The following PCDHGC4 variants were observed in gnomAD, a reference collection of about 807,000 sequenced individuals.
PCDHGC4 encodes the protein protocadherin gamma subfamily C, 4, also known as protocadherin gamma-C4.
In PCDHGC4, 15 loss-of-function variants were observed where a neutral mutation model predicts 59.7. The observed-to-expected ratio is 0.25, with a 90% confidence interval of 0.17 to 0.39. PCDHGC4 has a LOEUF of 0.39. Ranked by LOEUF, PCDHGC4 falls within the 10% of genes least tolerant of loss-of-function variation. PCDHGC4 has a pLI of 1.00. For synonymous variants in PCDHGC4, 434 were observed against 481.4 expected, an observed-to-expected ratio of 0.90 and a Z score of 1.29; for missense variants, 1,016 against 1,189.5, an observed-to-expected ratio of 0.85 and a Z score of 2.15.
chr5:141,507,616 G>A (rs1288020739), intron 3 of PCDHGC4, among the ~76,000 whole-genome samples: 3 of 152,252 alleles, frequency 2.0e-5, no homozygotes, highest in Non-Finnish European at 4.4e-5. Context: ...GGTATATTTA[G>A]CTGTTGTGGC....
chr5:141,487,040 C>T lies in PCDHGC4; in HGVS notation c.1867C>T (p.Arg623Ter), dbSNP rs374574042. The T allele has an allele frequency of 3.7e-6, 6 of 1,614,136 alleles. No homozygotes were observed. Among genetic ancestry groups the T allele is most frequent in the South Asian group, 1.1e-5 (1 of 91,082 alleles). The change falls in exon 1 of 4, where the codon CGA (arginine) becomes TGA (stop). Residue 623 changes from arginine (R) to a stop codon, truncating the protein, a stop_gained. Transcript: ENST00000306593. LOFTEE classifies it high-confidence loss of function. This position sits in a 1 kb window ranked among gnomAD's most constrained non-coding sequence, Gnocchi z 5.0. ...APDPSLFAVS[R>*]YAGEVRTAVP... is the part of the protein sequence containing the mutation. Reference sequence around the variant, plus strand: ...AGATCCCAGCCTGTTTGCAGTCTCTCGATATGCTGGGGAGGTGCGGACGGC... The same window carrying T: ...AGATCCCAGCCTGTTTGCAGTCTCTTGATATGCTGGGGAGGTGCGGACGGC...
chr5:141,489,375 G>T lies in PCDHGC4; in HGVS notation c.2442+1760G>T. 6.2e-7 allele frequency: 1 copy of T among 1,613,826 alleles called. No homozygotes were observed. Among genetic ancestry groups the T allele is most frequent in the Non-Finnish European group, 8.5e-7 (1 of 1,179,724 alleles). On this transcript the variant is annotated intron_variant, in intron 1 of 3. Transcript: ENST00000306593. This position sits in a 1 kb window ranked among gnomAD's most constrained non-coding sequence, Gnocchi z 4.5. ...AGGAGTCTGAGCCGGGGACGCTGGT[G>T]GGGAATGTTGCTCAGGATCTGGGCT...
Position 141,491,947 on chromosome 5 carries a change from C to T in PCDHGC4, c.2443-2860C>T. ...GGGGAGGTGGGACCGACCCCCACCCCTACACTCAAAAAAGGCCGGGGCCTC... is the reference window on the plus strand; with the variant it reads ...GGGGAGGTGGGACCGACCCCCACCCTTACACTCAAAAAAGGCCGGGGCCTC... On this transcript the variant is annotated intron_variant, in intron 1 of 3. Coordinates refer to ENST00000306593, the MANE Select transcript of PCDHGC4 (RefSeq NM_018928.3). The surrounding 1 kb of genome is among the most constrained non-coding windows in gnomAD (Gnocchi z 6.9). 1 of 1,114,210 alleles carries T rather than the reference C, an allele frequency of 9.0e-7. No individual in the cohort carries two copies. The highest frequency in any genetic ancestry group is 1.2e-6 in the Non-Finnish European group (1 of 815,758). 69.0% of individuals were successfully genotyped at this position (1,114,210 alleles called of 1,614,324 possible). A position where few individuals can be genotyped will look rare whatever the true frequency, so the allele number is the denominator to read the frequency against.
chr5:141,492,111 C>T (rs2154587044), intron 1 of PCDHGC4, among the ~76,000 whole-genome samples: 1 of 152,320 alleles, frequency 6.6e-6, no homozygotes, highest in South Asian at 2.1e-4. Context: ...ATTTCCTCTT[C>T]GATTTCTCCC....
intron 3 of PCDHGC4, among the ~76,000 whole-genome samples, chr5:141,509,164 C>A (rs1454864362): frequency 6.6e-6 from 1 of 152,188 alleles, no homozygotes; most frequent in Non-Finnish European, 1.5e-5. Context: ...TCCCGTGTGC[C>A]CTCCTCCTCT....
chr5:141,486,644 T>G lies in PCDHGC4; in HGVS notation c.1471T>G (p.Ser491Ala), dbSNP rs765487821. ...DPDSGLNALISYSLLEPRNRD... is the reference protein window; with the variant it reads ...DPDSGLNALIAYSLLEPRNRD... ...AGACTCTGGCTTGAATGCGCTTATC[T>G]CCTACTCACTCCTGGAGCCCAGGAA... Residue 491 changes from serine to alanine, a missense_variant, in exon 1 of 4, where the codon TCC (serine) becomes GCC (alanine). Physicochemically the swap from Ser to Ala is moderately conservative, Grantham distance 99. Transcript: ENST00000306593. This position sits in a 1 kb window ranked among gnomAD's most constrained non-coding sequence, Gnocchi z 5.0. 9.3e-6 allele frequency: 15 copies of G among 1,613,722 alleles called. 2 individuals carry two copies. The Middle Eastern group carries it at 6.6e-4, about 71-fold the overall frequency.
In PCDHGC4 at chr5:141,486,574, C is replaced by T. The variant is rs1435813800; in HGVS notation, c.1401C>T (p.Asn467=). The change falls in exon 1 of 4, where the codon AAC becomes AAT. Residue 467 remains asparagine (N), a synonymous_variant. Transcript: ENST00000306593. This position sits in a 1 kb window ranked among gnomAD's most constrained non-coding sequence, Gnocchi z 5.0. ...CACATGAGGTGTTTGTTCCTGAGAACAATCGCCCAGGGGACCTGCTTTGCT... is the reference window on the plus strand; with the variant it reads ...CACATGAGGTGTTTGTTCCTGAGAATAATCGCCCAGGGGACCTGCTTTGCT... ...QRSHEVFVPE[N]NRPGDLLCSL... The T allele has an allele frequency of 1.9e-6, 3 of 1,613,868 alleles. No homozygotes were observed. Among genetic ancestry groups the T allele is most frequent in the Non-Finnish European group, 2.5e-6 (3 of 1,180,002 alleles).
chr5:141,497,384 A>G (rs2099776099), intron 2 of PCDHGC4, among the ~76,000 whole-genome samples: 1 of 151,900 alleles, frequency 6.6e-6, no homozygotes, highest in African/African-American at 2.4e-5. Context: ...TGGGGTGAGC[A>G]CCTTACCCCT....
intron 2 of PCDHGC4, 58 bp downstream of exon 2, chr5:141,494,923 G>T: frequency 6.2e-7 from 1 of 1,613,698 alleles, no homozygotes; most frequent in Non-Finnish European, 8.5e-7. Context: ...CAGGGATGAC[G>T]TGGGAGGAGA....
intron 2 of PCDHGC4, among the ~76,000 whole-genome samples, chr5:141,501,847 C>T (rs976699397): frequency 1.3e-5 from 2 of 152,140 alleles, no homozygotes; most frequent in Admixed American, 6.5e-5. Context: ...GGCCCTCAAC[C>T]TTCAACCATT....
intron 2 of PCDHGC4, among the ~76,000 whole-genome samples, chr5:141,502,337 T>C (rs1562205634): frequency 6.6e-6 from 1 of 152,184 alleles, no homozygotes; most frequent in Admixed American, 6.5e-5. Flanking sequence ...CCCAGTCTTT[T>C]TATTTTTTTA....
chr5:141,511,353 A>C lies in PCDHGC4; in HGVS notation c.*180A>C. ...AGTCAGCACCTACCCCTTCCCCCCC[A>C]GGGGGTTGAATATGCAAAAGCAGTT... On this transcript the variant is annotated 3_prime_UTR_variant, in exon 4 of 4. Transcript: ENST00000306593. 7.3e-7 allele frequency: 1 copy of C among 1,371,054 alleles called. No individual in the cohort carries two copies. Among genetic ancestry groups the C allele is most frequent in the Non-Finnish European group, 9.7e-7 (1 of 1,027,740 alleles). The allele number at this position is 1,371,054 out of a possible 1,614,324, so 84.9% of individuals were successfully genotyped here. A position where few individuals can be genotyped will look rare whatever the true frequency, so the allele number is the denominator to read the frequency against.
rs539727453 is a variant in PCDHGC4 at position 141,487,510 on chromosome 5, C to G, written c.2337C>G (p.Pro779=). ...GCTGTACACCCTTGGCTTCTGCACC[C>G]ACTCGGAGTGATAGCTTCATGATGG... ...SHGCTPLASA[P]TRSDSFMMVK... The change falls in exon 1 of 4, where the codon CCC becomes CCG. Residue 779 remains proline, a synonymous_variant. Coordinates refer to ENST00000306593, the MANE Select transcript of PCDHGC4 (RefSeq NM_018928.3). This position sits in a 1 kb window ranked among gnomAD's most constrained non-coding sequence, Gnocchi z 5.0. The G allele has an allele frequency of 2.5e-6, 4 of 1,614,210 alleles. No homozygotes were observed. The highest frequency in any genetic ancestry group is 2.2e-5 in the East Asian group (1 of 44,860).
At position 141,490,208 on chromosome 5, in the gene PCDHGC4, G is replaced by A. The variant is rs745796427; in HGVS notation, c.2442+2593G>A. On this transcript the variant is annotated intron_variant, in intron 1 of 3. Coordinates refer to ENST00000306593, the MANE Select transcript of PCDHGC4 (RefSeq NM_018928.3). The surrounding 1 kb of genome is among the most constrained non-coding windows in gnomAD (Gnocchi z 5.4). ...TTCTATGAAATTCATGCAAGAGCCC[G>A]TGACCAGGGACAGCCTGCCATGGAG... 44 of 1,614,120 alleles carry A rather than the reference G, an allele frequency of 2.7e-5. No individual in the cohort carries two copies. The Admixed American group carries it at 4.5e-4, about 17-fold the overall frequency.
Position 141,486,979 on chromosome 5 carries a change from C to T in PCDHGC4, c.1806C>T (p.Tyr602=). The change falls in exon 1 of 4, where the codon TAC becomes TAT. Residue 602 remains tyrosine, a synonymous_variant. Transcript: ENST00000306593. This position sits in a 1 kb window ranked among gnomAD's most constrained non-coding sequence, Gnocchi z 5.0. ...CTGCTGTGGACTTGGATTCAGGTTACAATGCTTGGGTTTCCTATCAGCTCC... is the reference window on the plus strand; with the variant it reads ...CTGCTGTGGACTTGGATTCAGGTTATAATGCTTGGGTTTCCTATCAGCTCC... ...KVTAVDLDSG[Y]NAWVSYQLLE... 6.2e-7 allele frequency: 1 copy of T among 1,614,200 alleles called. No individual in the cohort carries two copies. Among genetic ancestry groups the T allele is most frequent in the Non-Finnish European group, 8.5e-7 (1 of 1,180,032 alleles).
intron 1 of PCDHGC4, among the ~76,000 whole-genome samples, chr5:141,492,108 C>T (rs1331001233): frequency 2.6e-5 from 4 of 152,232 alleles, no homozygotes; most frequent in African/African-American, 9.6e-5. Flanking sequence ...TAGATTTCCT[C>T]TTCGATTTCT....
Position 141,485,738 on chromosome 5 carries a change from A to G in PCDHGC4, c.565A>G (p.Ser189Gly), listed in dbSNP as rs1443978038. Reference protein sequence around the residue: ...ALDVKKRSDGSLVPELLLEKP... With the variant: ...ALDVKKRSDGGLVPELLLEKP... Reference sequence around the variant, plus strand: ...GGATGTGAAGAAGCGCAGCGACGGCAGCCTGGTCCCAGAGCTGCTCCTGGA... The same window carrying G: ...GGATGTGAAGAAGCGCAGCGACGGCGGCCTGGTCCCAGAGCTGCTCCTGGA... The change falls in exon 1 of 4, where the codon AGC becomes GGC. Residue 189 changes from serine (S) to glycine (G), a missense_variant. Transcript: ENST00000306593. This position sits in a 1 kb window ranked among gnomAD's most constrained non-coding sequence, Gnocchi z 5.7. 1 of 1,614,230 alleles carries G rather than the reference A, an allele frequency of 6.2e-7. No individual in the cohort carries two copies.
intron 1 of PCDHGC4, 91 bp from the exon 2 acceptor site, chr5:141,494,716 C>T (rs1448674271): frequency 3.7e-6 from 6 of 1,604,970 alleles, no homozygotes; most frequent in East Asian, 4.5e-5. Flanking sequence ...TGCCCACTCC[C>T]CTCCTTCTCT....
Position 141,486,695 on chromosome 5 carries a change from A to T in PCDHGC4, c.1522A>T (p.Ile508Phe). Residue 508 changes from isoleucine (I) to phenylalanine (F), a missense_variant, in exon 1 of 4, where the codon ATC (isoleucine) becomes TTC (phenylalanine). Physicochemically the swap from Ile to Phe is conservative, Grantham distance 21 (BLOSUM62 0). Coordinates refer to ENST00000306593, the MANE Select transcript of PCDHGC4 (RefSeq NM_018928.3). The surrounding 1 kb of genome is among the most constrained non-coding windows in gnomAD (Gnocchi z 5.0). ...TCGAGATGTATCAGCTTCCTCTTTC[A>T]TCTCTCTGAACCCCCAGACAGGAGC... ...RNRDVSASSF[I>F]SLNPQTGAVH... The T allele has an allele frequency of 6.2e-7, 1 of 1,613,912 alleles. No homozygotes were observed. The highest frequency in any genetic ancestry group is 8.5e-7 in the Non-Finnish European group (1 of 1,179,980).
Sources: gnomAD v4.1 joint callset for allele counts (sites outside exome capture counted in the v4.1 genomes callset) on GRCh38, gnomAD v4.1.1 for gene constraint, Gnocchi (gnomAD v3.1) non-coding constraint, MANE v1.5 for transcripts, NCBI Gene and HGNC (gene_info 2026-07-23, HGNC 2026-07-21) for gene names.